The following EHBP1 variants were observed in gnomAD, a reference collection of about 807,000 sequenced individuals.
EHBP1 encodes EH domain binding protein 1.
A neutral mutation model predicts 144.0 loss-of-function variants in EHBP1; 55 were observed. The ratio of observed to expected loss-of-function variants is 0.38; its 90% CI spans 0.31 to 0.48. The LOEUF is 0.48. EHBP1 is among the 20% of genes least tolerant of loss of function. EHBP1 has a pLI of 0.98. For missense variants in EHBP1, 1,200 were observed against 1,364.2 expected (o/e 0.88, Z 1.90); for synonymous variants, 469 against 472.7 (o/e 0.99, Z 0.10).
chr2:62,826,576 C>T (rs1166507362), intron 6 of EHBP1: 1 of 178,508 alleles, frequency 5.6e-6, no homozygotes, highest in Non-Finnish European at 1.2e-5. Flanking sequence ...GAGGTACACA[C>T]AGTTCAATGT....
At chr2:63,041,673 G>C (rs1460922546) in intron 21 of EHBP1, among the ~76,000 whole-genome samples, 1 of 152,160 alleles carries the variant, frequency 6.6e-6, no homozygotes, top group African/African-American at 2.4e-5. Flanking sequence ...TCCATAGATT[G>C]ATTAGGTACA....
At chr2:62,870,736 TAC>T (rs1232750645) in intron 9 of EHBP1, among the ~76,000 whole-genome samples, 3 of 126,966 alleles carry the variant, frequency 2.4e-5, no homozygotes, top group African/African-American at 9.7e-5. Flanking sequence ...AAAAAAAAAA[TAC>T]ATATATATAT....
chr2:62,982,002 A>G (rs2153204088), intron 15 of EHBP1, among the ~76,000 whole-genome samples: 1 of 152,194 alleles, frequency 6.6e-6, no homozygotes, highest in Admixed American at 6.5e-5. Context: ...CCTAAGACAA[A>G]TGACGCAGGC....
chr2:63,040,532 T>C (rs1374748815), intron 21 of EHBP1, among the ~76,000 whole-genome samples: 1 of 152,152 alleles, frequency 6.6e-6, no homozygotes, highest in East Asian at 1.9e-4. Flanking sequence ...CAGTAGAAAG[T>C]CATATATTTG....
chr2:62,792,807 C>T (rs554824806), intron 5 of EHBP1, among the ~76,000 whole-genome samples: 30 of 152,056 alleles, frequency 2.0e-4, no homozygotes, highest in Admixed American at 3.9e-4. Context: ...GTGCTGCTTA[C>T]CTACAGTGTT....
intron 3 of EHBP1, among the ~76,000 whole-genome samples, chr2:62,758,618 C>T (rs906160564): frequency 6.6e-5 from 10 of 152,170 alleles, no homozygotes; most frequent in African/African-American, 2.2e-4. Context: ...AAAATTATGG[C>T]AGAGTAGTTA....
intron 1 of EHBP1, among the ~76,000 whole-genome samples, chr2:62,679,109 T>C (rs1236244118): frequency 6.6e-6 from 1 of 152,238 alleles, no homozygotes; most frequent in African/African-American, 2.4e-5. Flanking sequence ...GCCTATGCTT[T>C]GTATTTTATC....
chr2:63,037,815 G>A (rs1355124714), intron 20 of EHBP1, among the ~76,000 whole-genome samples, 181 bp downstream of exon 20: 4 of 151,956 alleles, frequency 2.6e-5, no homozygotes, highest in Non-Finnish European at 2.9e-5. Context: ...ATTTTTAAAT[G>A]GAACAGTAGA....
At chr2:62,813,313 G>A (rs114238758) in intron 5 of EHBP1, among the ~76,000 whole-genome samples, 83 of 152,338 alleles carry the variant, frequency 5.4e-4, no homozygotes, top group African/African-American at 1.9e-3. Context: ...CTGTAAGAAT[G>A]CAAGAACTTT....
intron 1 of EHBP1, among the ~76,000 whole-genome samples, chr2:62,676,602 G>C (rs2033305198): frequency 6.6e-6 from 1 of 152,138 alleles, no homozygotes; most frequent in African/African-American, 2.4e-5. Context: ...TCCCACATGG[G>C]GGTTGTCAAA....
chr2:62,847,931 A>G (rs760483110), intron 7 of EHBP1, among the ~76,000 whole-genome samples: 3 of 152,212 alleles, frequency 2.0e-5, no homozygotes, highest in Non-Finnish European at 4.4e-5. Flanking sequence ...GCAAATTAAA[A>G]TCACAGAGAG....
chr2:62,842,337 T>C (rs1299896347), intron 7 of EHBP1, among the ~76,000 whole-genome samples: 1 of 152,134 alleles, frequency 6.6e-6, no homozygotes, highest in Non-Finnish European at 1.5e-5. Context: ...TCCGCCCGCT[T>C]TCCTCCCAAA....
intron 2 of EHBP1, among the ~76,000 whole-genome samples, chr2:62,719,472 G>C (rs116202465): frequency 2.6e-3 from 391 of 152,094 alleles, no homozygotes; most frequent in African/African-American, 8.5e-3. Context: ...CTGTGCCAAG[G>C]AGCCCAGGGG....
At chr2:62,837,540 C>G (rs2047381048) in intron 7 of EHBP1, among the ~76,000 whole-genome samples, 1 of 152,032 alleles carries the variant, frequency 6.6e-6, no homozygotes, top group African/African-American at 2.4e-5. Flanking sequence ...AAGACACAGA[C>G]TGGCAAATTG....
At chr2:62,842,218 C>G (rs1376094682) in intron 7 of EHBP1, among the ~76,000 whole-genome samples, 2 of 152,090 alleles carry the variant, frequency 1.3e-5, no homozygotes, top group African/African-American at 4.8e-5. Flanking sequence ...TCCCGAGTAG[C>G]TGGGATCACA....
At chr2:62,727,477 G>T (rs1335104393) in intron 2 of EHBP1, among the ~76,000 whole-genome samples, 1 of 151,760 alleles carries the variant, frequency 6.6e-6, no homozygotes. Context: ...TATTCCTCTG[G>T]AACTCCCCTC....
intron 3 of EHBP1, among the ~76,000 whole-genome samples, chr2:62,762,611 C>T (rs1462786804): frequency 6.6e-6 from 1 of 152,140 alleles, no homozygotes; most frequent in Non-Finnish European, 1.5e-5. Context: ...TCAGCCTTGG[C>T]TACTTTCTTT....
rs374103985 is a variant in EHBP1, at chr2:63,001,326, G to A, written c.3103+4560G>A. Among the ~76,000 whole-genome samples the A allele has an allele frequency of 2.4e-4, 36 of 152,222 alleles. No homozygotes were observed. The East Asian group carries it at 3.5e-3, about 15-fold the overall frequency. ...GATCATGAGCCTTCTCAAAAATACTGATACTGTAGCTTTTCGTAGAGTATC... is the reference window on the plus strand; with the variant it reads ...GATCATGAGCCTTCTCAAAAATACTAATACTGTAGCTTTTCGTAGAGTATC... On this transcript the variant is annotated intron_variant, in intron 19 of 22. Coordinates refer to ENST00000431489, the MANE Select transcript of EHBP1 (RefSeq NM_001142616.3).
At chr2:62,829,019 A>G (rs1459429345) in intron 6 of EHBP1, among the ~76,000 whole-genome samples, 1 of 151,922 alleles carries the variant, frequency 6.6e-6, no homozygotes, top group Admixed American at 6.6e-5. Flanking sequence ...TGAGGAGGCT[A>G]AGGCGGGATG....
Sources: gnomAD v4.1 joint callset for allele counts (sites outside exome capture counted in the v4.1 genomes callset) on GRCh38, gnomAD v4.1.1 for gene constraint, MANE v1.5 for transcripts, NCBI Gene and HGNC (gene_info 2026-07-23, HGNC 2026-07-21) for gene names.